The following MOCS1 variants were observed in gnomAD, a reference collection of about 807,000 sequenced individuals.
MOCS1 encodes molybdenum cofactor biosynthesis protein 1.
A neutral mutation model predicts 57.6 loss-of-function variants in MOCS1; 39 were observed. The ratio of observed to expected loss-of-function variants is 0.68; its 90% CI spans 0.52 to 0.88. The LOEUF is 0.88. MOCS1 is among the 40% of genes least tolerant of loss of function. The pLI is 0.00. For synonymous variants in MOCS1, 334 were observed against 335.7 expected (o/e 1.00, Z 0.05); for missense variants, 795 against 831.1 (o/e 0.96, Z 0.53).
At position 39,927,475 on chromosome 6, in the gene MOCS1, A is replaced by C. The variant is rs768260551; in HGVS notation, c.124-20T>G. ...CACCTCCTGCGAGGACAGACCAGGG[A>C]GGAAGCATGGGCCCCTGCTACCGGG... On this transcript the variant is annotated intron_variant, in intron 1 of 10. Coordinates refer to ENST00000340692, the MANE Select transcript of MOCS1 (RefSeq NM_001358530.2). The C allele has an allele frequency of 1.2e-6, 2 of 1,610,002 alleles. No individual in the cohort carries two copies. Among genetic ancestry groups the C allele is most frequent in the Non-Finnish European group, 1.7e-6 (2 of 1,178,348 alleles).
chr6:39,917,026 C>T (rs1480109782), intron 3 of MOCS1, among the ~76,000 whole-genome samples: 2 of 152,132 alleles, frequency 1.3e-5, no homozygotes, highest in African/African-American at 2.4e-5. Context: ...CCTTCCCTGT[C>T]GGCACGGGAA....
chr6:39,907,182 A>G (rs1767015732), intron 10 of MOCS1, 65 bp from the exon 11 acceptor site: 1 of 1,501,562 alleles, frequency 6.7e-7, no homozygotes, highest in Non-Finnish European at 8.9e-7. Context: ...TCCCACCTCT[A>G]CTCCCCAACC....
At chr6:39,909,702 G>T in intron 9 of MOCS1, 133 bp downstream of exon 9, 1 of 1,226,798 alleles carries the variant, frequency 8.2e-7, no homozygotes, top group Non-Finnish European at 1.2e-6. Context: ...GTGAGTGGTA[G>T]TGGGGATGAT....
chr6:39,914,973 C>G (rs1023189867), intron 4 of MOCS1, among the ~76,000 whole-genome samples: 4 of 152,154 alleles, frequency 2.6e-5, no homozygotes, highest in African/African-American at 9.7e-5. Flanking sequence ...TCCTGCTCCC[C>G]CTCAGAGTAT....
chr6:39,916,467 T>C (rs986828866), intron 3 of MOCS1, among the ~76,000 whole-genome samples: 2 of 152,214 alleles, frequency 1.3e-5, no homozygotes, highest in African/African-American at 4.8e-5. Flanking sequence ...GGGCTTTGCA[T>C]ACATTAGCTC....
In MOCS1 at chr6:39,912,962, A is replaced by G; in HGVS notation, c.800T>C (p.Met267Thr). 6.2e-7 allele frequency: 1 copy of G among 1,614,132 alleles called. No individual in the cohort carries two copies. The highest frequency in any genetic ancestry group is 2.2e-5 in the East Asian group (1 of 44,864). The change falls in exon 7 of 11, where the codon ATG (methionine) becomes ACG (threonine). Residue 267 changes from methionine (M) to threonine (T), a missense_variant. By Grantham distance (81) the Met-to-Thr change is moderately conservative (BLOSUM62 -1). Transcript: ENST00000340692. ...NFKKMVSYKE[M>T]LDTVRQQWPE... ...CCACTGCTGCCGGACAGTGTCTAGCATCTCCTTATAGCTGACCATCTTCTT... is the reference window on the plus strand; with the variant it reads ...CCACTGCTGCCGGACAGTGTCTAGCGTCTCCTTATAGCTGACCATCTTCTT...
chr6:39,922,103 C>G (rs1768004321), intron 3 of MOCS1, among the ~76,000 whole-genome samples: 2 of 152,206 alleles, frequency 1.3e-5, no homozygotes, highest in African/African-American at 4.8e-5. Context: ...GTTCCTCTTC[C>G]TTCCTTTGGA....
intron 8 of MOCS1, among the ~76,000 whole-genome samples, chr6:39,910,609 G>C (rs551491009): frequency 6.6e-6 from 1 of 152,332 alleles, no homozygotes; most frequent in African/African-American, 2.4e-5. Flanking sequence ...CTCTGTGCCA[G>C]CTCTGCACAA....
chr6:39,919,570 T>C (rs1276020951), intron 3 of MOCS1, among the ~76,000 whole-genome samples: 3 of 151,570 alleles, frequency 2.0e-5, no homozygotes, highest in Non-Finnish European at 4.4e-5. Context: ...GGTCAAGCCT[T>C]AGTATATGTA....
In MOCS1 at chr6:39,907,096, T is replaced by C; in HGVS notation, c.1172A>G (p.Asn391Ser). The change falls in exon 11 of 11, where the codon AAT becomes AGT. Residue 391 changes from asparagine to serine, a missense_variant. By Grantham distance (46) the Asn-to-Ser change is conservative. Around this residue, in one of 3 missense-constraint regions of MOCS1, gnomAD observed 374 missense variants for 422.6 expected, o/e 0.89. Transcript: ENST00000340692. ...ILIELFLMFP[N>S]SPPANPSIFS... ...AATGCTTGGATTGGCTGGTGGGGAA[T>C]TGGGGAACATCAAAAATAACTCTGC... is the stretch of plus-strand genomic sequence containing the variant. 2 of 1,612,612 alleles carry C rather than the reference T, an allele frequency of 1.2e-6. No individual in the cohort carries two copies. The highest frequency in any genetic ancestry group is 1.7e-6 in the Non-Finnish European group (2 of 1,179,206).
intron 9 of MOCS1, among the ~76,000 whole-genome samples, chr6:39,909,368 C>T (rs1461544011): frequency 6.7e-6 from 1 of 148,724 alleles, no homozygotes; most frequent in African/African-American, 2.5e-5. Flanking sequence ...AGGGACAGGG[C>T]GGGGAGAGGA....
chr6:39,904,482 T>G lies in MOCS1; in HGVS notation c.*1875A>C. 1 of 454,480 alleles carries G rather than the reference T, an allele frequency of 2.2e-6. No homozygotes were observed. The highest frequency in any genetic ancestry group is 4.4e-6 in the Non-Finnish European group (1 of 226,960). 28.2% of individuals were successfully genotyped at this position (454,480 alleles called of 1,614,324 possible). A position where few individuals can be genotyped will look rare whatever the true frequency, so the allele number is the denominator to read the frequency against. On this transcript the variant is annotated 3_prime_UTR_variant, in exon 11 of 11. Transcript: ENST00000340692. Reference sequence around the variant, plus strand: ...GCCCTCCCCACTGCTCCTGCCACCTTTAGATAAGTTTCTCTAGCTAATTTT... The same window carrying G: ...GCCCTCCCCACTGCTCCTGCCACCTGTAGATAAGTTTCTCTAGCTAATTTT...
rs1768380984 is a variant in MOCS1, at chr6:39,927,395, T to C, written c.184A>G (p.Thr62Ala). ...CTGTGCTGCCGGCCGAAGCTGTCTG[T>C]GAGGAAGGCGGAGAAGGGGGCCGCA... The part of the protein sequence containing the change: ...EHAAPFSAFL[T>A]DSFGRQHSYL... Residue 62 changes from threonine to alanine, a missense_variant, in exon 2 of 11, where the codon ACA (threonine) becomes GCA (alanine). Physicochemically the swap from Thr to Ala is moderately conservative, Grantham distance 58. Coordinates refer to ENST00000340692, the MANE Select transcript of MOCS1 (RefSeq NM_001358530.2). 6.2e-7 allele frequency: 1 copy of C among 1,612,798 alleles called. No homozygotes were observed. The highest frequency in any genetic ancestry group is 8.5e-7 in the Non-Finnish European group (1 of 1,179,884).
At chr6:39,927,300 C>T (rs201045148) in intron 2 of MOCS1, 29 bp downstream of exon 2, 1 of 1,607,558 alleles carries the variant, frequency 6.2e-7, no homozygotes, top group Non-Finnish European at 8.5e-7. Context: ...TGGACACCAG[C>T]CCAGAGAGGG....
chr6:39,928,691 T>G (rs1273542286), intron 1 of MOCS1, among the ~76,000 whole-genome samples: 3 of 152,190 alleles, frequency 2.0e-5, no homozygotes, highest in Non-Finnish European at 2.9e-5. Context: ...GTCCCTTAAC[T>G]TCTCCAGGCC....
chr6:39,913,904 A>G, intron 4 of MOCS1, 69 bp from the exon 5 acceptor site: 1 of 1,469,014 alleles, frequency 6.8e-7, no homozygotes, highest in Non-Finnish European at 9.5e-7. Flanking sequence ...CCCACAGAAA[A>G]GCACCAGAGC....
chr6:39,906,523 C>A lies in MOCS1; in HGVS notation c.1745G>T (p.Arg582Leu), dbSNP rs762229041. Residue 582 changes from arginine (R) to leucine (L), a missense_variant, in exon 11 of 11, where the codon CGG becomes CTG. Around this residue, in one of 3 missense-constraint regions of MOCS1, gnomAD observed 374 missense variants for 422.6 expected, o/e 0.89. Transcript: ENST00000340692. ...CTCCACCCCGGTGGGGCCCCGAGCC[C>A]GGCAAGATGCCTGGATCTTCACGGC... ...RHAVKIQASC[R>L]ARGPTGVEME... The A allele has an allele frequency of 6.2e-7, 1 of 1,613,764 alleles. No homozygotes were observed. Among genetic ancestry groups the A allele is most frequent in the Non-Finnish European group, 8.5e-7 (1 of 1,180,036 alleles).
At position 39,913,372 on chromosome 6, in the gene MOCS1, G is replaced by A. The variant is rs1287814853; in HGVS notation, c.702C>T (p.Ala234=). ...CATCCAGGGGGAGGCCCTCAGTCAA[G>A]GCCGCAAAGTCCAGGAGTTCATCCT... The part of the protein sequence containing the change: ...LNEDELLDFA[A]LTEGLPLDVR... Residue 234 remains alanine (A), a synonymous_variant, in exon 6 of 11, where the codon GCC becomes GCT. Transcript: ENST00000340692. The A allele has an allele frequency of 6.2e-7, 1 of 1,614,200 alleles. No individual in the cohort carries two copies.
At chr6:39,907,606 T>G (rs1294771573) in intron 10 of MOCS1, among the ~76,000 whole-genome samples, 1 of 152,174 alleles carries the variant, frequency 6.6e-6, no homozygotes, top group African/African-American at 2.4e-5. Flanking sequence ...GAATTTGTGA[T>G]CTACTTAAAT....
Sources: gnomAD v4.1 joint callset for allele counts (sites outside exome capture counted in the v4.1 genomes callset) on GRCh38, gnomAD v4.1.1 for gene constraint, gnomAD v4.1.1 regional missense constraint, MANE v1.5 for transcripts, NCBI Gene and HGNC (gene_info 2026-07-23, HGNC 2026-07-21) for gene names.